The following FBXO40 variants were observed in gnomAD, a reference collection of about 807,000 sequenced individuals.
The protein encoded by FBXO40 is F-box only protein 40.
FBXO40 carries 50 observed loss-of-function variants against 49.9 expected under a neutral mutation model. The ratio of observed to expected loss-of-function variants is 1.00; its 90% CI spans 0.80 to 1.27. The LOEUF is 1.27. Among genes scored for constraint, FBXO40 ranks in the 50% most tolerant of loss-of-function variants. The pLI is 0.00. For missense variants in FBXO40, 895 were observed against 870.1 expected, an observed-to-expected ratio of 1.03 and a Z score of -0.36; for synonymous variants, 340 against 320.2, an observed-to-expected ratio of 1.06 and a Z score of -0.66.
In FBXO40 at chr3:121,627,607, G is replaced by T; in HGVS notation, c.*697G>T. The T allele has an allele frequency of 2.7e-6, 1 of 369,256 alleles. No individual in the cohort carries two copies. Among genetic ancestry groups the T allele is most frequent in the Non-Finnish European group, 4.8e-6 (1 of 208,282 alleles). The allele number at this position is 369,256 out of a possible 1,614,324, so 22.9% of individuals were successfully genotyped here. A position where few individuals can be genotyped will look rare whatever the true frequency, so the allele number is the denominator to read the frequency against. ...TACAGCAGGAAAGCCTTGATAAATC[G>T]GGAGTCCAAAGGAGACACCATATTT... is the stretch of plus-strand genomic sequence containing the variant. On this transcript the variant is annotated 3_prime_UTR_variant, in exon 4 of 4. Transcript: ENST00000338040.
chr3:121,619,605 A>G (rs1402638362), intron 1 of FBXO40, among the ~76,000 whole-genome samples: 1 of 152,260 alleles, frequency 6.6e-6, no homozygotes, highest in Non-Finnish European at 1.5e-5. Flanking sequence ...GCAAACATGT[A>G]TAGATCACTG....
In FBXO40 at chr3:121,603,849, G is replaced by A. The variant is rs1411591386; in HGVS notation, c.-31+10347G>A. Among the ~76,000 whole-genome samples the A allele has an allele frequency of 2.0e-5, 3 of 152,292 alleles. No individual in the cohort carries two copies. The East Asian group carries it at 5.8e-4, about 29-fold the overall frequency. On this transcript the variant is annotated intron_variant, in intron 1 of 3. Transcript: ENST00000338040. ...TTCTCCTGCCTCAGCCTCCCAAGGA[G>A]CTGGGACTAAAGGCATGTGCCACCA... is the stretch of plus-strand genomic sequence containing the variant.
intron 1 of FBXO40, among the ~76,000 whole-genome samples, chr3:121,610,581 T>C (rs578020908): frequency 1.3e-5 from 2 of 152,316 alleles, no homozygotes; most frequent in Admixed American, 6.5e-5. Context: ...AATCTTCTCA[T>C]TGCTTCAAGG....
chr3:121,626,240 C>T (rs1483840906), intron 3 of FBXO40, among the ~76,000 whole-genome samples: 2 of 152,132 alleles, frequency 1.3e-5, no homozygotes, highest in Non-Finnish European at 2.9e-5. Context: ...TAAGATAGTG[C>T]TCACTCGGTG....
At chr3:121,601,741 G>A (rs528024103) in intron 1 of FBXO40, among the ~76,000 whole-genome samples, 6 of 152,338 alleles carry the variant, frequency 3.9e-5, no homozygotes, top group African/African-American at 1.4e-4. Flanking sequence ...AGACTTTCCT[G>A]GAGCTGGTAG....
At chr3:121,612,768 A>G (rs1362117656) in intron 1 of FBXO40, among the ~76,000 whole-genome samples, 1 of 152,002 alleles carries the variant, frequency 6.6e-6, no homozygotes, top group Non-Finnish European at 1.5e-5. Context: ...GGCCAGTGTT[A>G]TATTAAAAAA....
intron 1 of FBXO40, among the ~76,000 whole-genome samples, chr3:121,615,780 G>A (rs1453425910): frequency 6.6e-6 from 1 of 152,108 alleles, no homozygotes; most frequent in South Asian, 2.1e-4. Context: ...CAGGCTTGGT[G>A]GGAGAAGTTT....
intron 1 of FBXO40, among the ~76,000 whole-genome samples, chr3:121,606,858 T>C (rs921098968): frequency 1.3e-5 from 2 of 152,196 alleles, no homozygotes; most frequent in Non-Finnish European, 2.9e-5. Context: ...GAAGATGATA[T>C]TGGATTCCCA....
chr3:121,595,378 A>G (rs1232386880), intron 1 of FBXO40, among the ~76,000 whole-genome samples: 4 of 152,252 alleles, frequency 2.6e-5, no homozygotes, highest in African/African-American at 4.8e-5. Flanking sequence ...GTAACCAAGC[A>G]GACAGATTGA....
Position 121,623,320 on chromosome 3 carries a change from A to G in FBXO40, c.1891A>G (p.Thr631Ala), listed in dbSNP as rs973104741. 6.2e-7 allele frequency: 1 copy of G among 1,613,900 alleles called. No individual in the cohort carries two copies. Among genetic ancestry groups the G allele is most frequent in the African/African-American group, 1.3e-5 (1 of 75,032 alleles). ...WKKKRYSHGG[T>A]SWRVHREIWQ... ...GAAAAAGAGGTATTCCCATGGAGGC[A>G]CCTCCTGGAGAGTCCACAGAGAGGT... is the stretch of plus-strand genomic sequence containing the variant. Residue 631 changes from threonine (T) to alanine (A), a missense_variant, in exon 3 of 4, where the codon ACC (threonine) becomes GCC (alanine). Coordinates refer to ENST00000338040, the MANE Select transcript of FBXO40 (RefSeq NM_016298.4).
In FBXO40 at chr3:121,617,763, G is replaced by A. The variant is rs1301537992; in HGVS notation, c.-30-2783G>A. ...ACCTGTAATCTCAGCACTTTTGGAG[G>A]CCGAGGCAGGCGGATCACTTGAGGT... On this transcript the variant is annotated intron_variant, in intron 1 of 3. Transcript: ENST00000338040. 2.6e-5 allele frequency among the ~76,000 whole-genome samples: 4 copies of A among 152,128 alleles called. No homozygotes were observed. The South Asian group carries it at 6.2e-4, about 24-fold the overall frequency.
chr3:121,611,286 G>C (rs2048963751), intron 1 of FBXO40, among the ~76,000 whole-genome samples: 1 of 152,168 alleles, frequency 6.6e-6, no homozygotes, highest in Non-Finnish European at 1.5e-5. Context: ...AGTTTTTTCT[G>C]ATTATTATCT....
chr3:121,594,894 G>A (rs549823152), intron 1 of FBXO40, among the ~76,000 whole-genome samples: 16 of 152,364 alleles, frequency 1.1e-4, no homozygotes, highest in African/African-American at 3.8e-4. Flanking sequence ...GGTATCAAAA[G>A]TTATAACTTT....
At chr3:121,595,270 A>G (rs1321440574) in intron 1 of FBXO40, among the ~76,000 whole-genome samples, 2 of 152,140 alleles carry the variant, frequency 1.3e-5, no homozygotes, top group Non-Finnish European at 2.9e-5. Context: ...ATAATCACCT[A>G]ACTTCATTTA....
At chr3:121,618,386 GTTTTT>G (rs34900150) in intron 1 of FBXO40, among the ~76,000 whole-genome samples, 1 of 120,266 alleles carries the variant, frequency 8.3e-6, no homozygotes, top group African/African-American at 3.2e-5. Context: ...TTTCCTTCTT[GTTTTT>G]TTTTTTTTTT....
At chr3:121,600,909 A>T (rs548620721) in intron 1 of FBXO40, among the ~76,000 whole-genome samples, 3 of 152,226 alleles carry the variant, frequency 2.0e-5, no homozygotes, top group African/African-American at 7.2e-5. Flanking sequence ...GGGGATAAGG[A>T]TCCTGTTACT....
At chr3:121,616,052 C>A (rs2048996053) in intron 1 of FBXO40, among the ~76,000 whole-genome samples, 1 of 152,134 alleles carries the variant, frequency 6.6e-6, no homozygotes, top group African/African-American at 2.4e-5. Context: ...GGGGTCGATA[C>A]AAACATTCAG....
intron 2 of FBXO40, 56 bp from the exon 3 acceptor site, chr3:121,621,377 T>C: frequency 1.4e-6 from 2 of 1,481,384 alleles, no homozygotes; most frequent in Non-Finnish European, 1.8e-6. Context: ...TAGACATGCA[T>C]AGAGCTTCTC....
intron 3 of FBXO40, among the ~76,000 whole-genome samples, chr3:121,624,721 G>A (rs1481504243): frequency 1.3e-5 from 2 of 152,036 alleles, no homozygotes; most frequent in Non-Finnish European, 1.5e-5. Flanking sequence ...TTTATCAGGC[G>A]GCTCTCTACA....
Sources: gnomAD v4.1 joint callset for allele counts (sites outside exome capture counted in the v4.1 genomes callset) on GRCh38, gnomAD v4.1.1 for gene constraint, MANE v1.5 for transcripts, NCBI Gene and HGNC (gene_info 2026-07-23, HGNC 2026-07-21) for gene names.